Variants in ATP7A observed in about 807,000 individuals in gnomAD.
ATP7A encodes ATPase copper transporting alpha, also known as copper-transporting ATPase 1.
A neutral mutation model predicts 83.5 loss-of-function variants in ATP7A; 7 were observed. That is an observed-to-expected ratio of 0.08 (90% CI 0.05 to 0.16). ATP7A has a LOEUF of 0.16. Ranked by LOEUF, ATP7A falls within the 10% of genes least tolerant of loss-of-function variation. The pLI is 1.00. For missense variants in ATP7A, 940 were observed against 1,120.8 expected (o/e 0.84, Z 2.30); for synonymous variants, 354 against 395.2 (o/e 0.90, Z 1.24).
intron 1 of ATP7A, among the ~76,000 whole-genome samples, chrX:77,951,611 G>T (rs528466109): frequency 1.6e-4 from 16 of 102,883 alleles, no homozygotes; most frequent in African/African-American, 5.8e-4. Flanking sequence ...ATGGAGTCTC[G>T]CTCTGTCACC....
intron 1 of ATP7A, among the ~76,000 whole-genome samples, chrX:77,948,105 A>ATTCATTCATTCATTCATTCG (rs1333774028): frequency 3.0e-4 from 20 of 66,508 alleles, no homozygotes; most frequent in African/African-American, 1.2e-3. Flanking sequence ...TTATTTATTC[A>ATTCATTCATTCATTCATTCG]TTCATTCATT....
At chrX:77,947,430 G>A (rs1333943681) in intron 1 of ATP7A, among the ~76,000 whole-genome samples, 2 of 92,980 alleles carry the variant, frequency 2.2e-5, no homozygotes, top group Non-Finnish European at 4.0e-5. Flanking sequence ...ATGTTATTGT[G>A]TATTTTACCA....
intron 1 of ATP7A, among the ~76,000 whole-genome samples, chrX:77,931,169 AGTGTTTGTGTCCCTGG>A (rs1428529011): frequency 9.2e-6 from 1 of 108,859 alleles, no homozygotes; most frequent in Non-Finnish European, 1.9e-5. Flanking sequence ...GGCCTTCCTC[AGTGTTTGTGTCCCTGG>A]GTACTTGAGA....
chrX:78,035,140 A>G (rs1289280807), intron 17 of ATP7A, among the ~76,000 whole-genome samples: 1 of 111,329 alleles, frequency 9.0e-6, no homozygotes, highest in Non-Finnish European at 1.9e-5. Flanking sequence ...TCATTTTATA[A>G]TACATACTCT....
At chrX:77,957,645 C>G (rs782651863) in intron 1 of ATP7A, among the ~76,000 whole-genome samples, 1 of 110,097 alleles carries the variant, frequency 9.1e-6, no homozygotes, top group Non-Finnish European at 1.9e-5. Flanking sequence ...TTTATGTAAT[C>G]TCATTTGTCT....
In ATP7A at chrX:78,020,408, C is replaced by G; in HGVS notation, c.2781+10C>G. ...GGCACAAACATCAAAGGTAACTTAA[C>G]TCCCTAGGAGAAACACAAACTATTT... On this transcript the variant is annotated intron_variant, in intron 13 of 22. Coordinates refer to ENST00000341514, the MANE Select transcript of ATP7A (RefSeq NM_000052.7). 8.3e-7 allele frequency: 1 copy of G among 1,207,260 alleles called. No homozygotes were observed. The highest frequency in any genetic ancestry group is 1.1e-6 in the Non-Finnish European group (1 of 891,151).
chrX:77,988,129 A>T, intron 2 of ATP7A, 113 bp from the exon 3 acceptor site: 1 of 833,944 alleles, frequency 1.2e-6, no homozygotes, highest in Non-Finnish European at 1.7e-6. Context: ...TAATAGGGAA[A>T]CTCCATTAGA....
At chrX:78,046,045 G>T (rs2078081165) in intron 22 of ATP7A, among the ~76,000 whole-genome samples, 1 of 112,159 alleles carries the variant, frequency 8.9e-6, no homozygotes, top group African/African-American at 3.2e-5. Context: ...GTTACTTCGT[G>T]TACTTTATGC....
intron 1 of ATP7A, among the ~76,000 whole-genome samples, chrX:77,939,809 A>G (rs1266202673): frequency 9.1e-6 from 1 of 109,890 alleles, no homozygotes; most frequent in African/African-American, 3.3e-5. Context: ...TCTAGACAAT[A>G]TAATGAAAAA....
chrX:78,017,491 A>G lies in ATP7A; in HGVS notation c.2626+1610A>G, dbSNP rs782091272. Reference sequence around the variant, plus strand: ...CTGCAGCCCGCTTGAATTTCTCCCCAGAAAATGGGTTTTTCTTTTCTATTG... The same window carrying G: ...CTGCAGCCCGCTTGAATTTCTCCCCGGAAAATGGGTTTTTCTTTTCTATTG... On this transcript the variant is annotated intron_variant, in intron 12 of 22. Coordinates refer to ENST00000341514, the MANE Select transcript of ATP7A (RefSeq NM_000052.7). Among the ~76,000 whole-genome samples, 5 of 112,315 alleles carry G rather than the reference A, an allele frequency of 4.5e-5. No individual in the cohort carries two copies. The Admixed American group carries it at 4.7e-4, about 11-fold the overall frequency.
Position 78,030,154 on chromosome X carries a change from A to G in ATP7A, c.3111+710A>G, listed in dbSNP as rs183620458. 5.5e-3 allele frequency among the ~76,000 whole-genome samples: 620 copies of G among 112,464 alleles called. 2 individuals carry two copies. The highest frequency in any genetic ancestry group is 0.019 in the African/African-American group (584 of 31,039). ...AAAAGTCGCAAGACTAGCCTGGCACAGTGGCTCACGCCTGTAATCCCAGCA... is the reference window on the plus strand; with the variant it reads ...AAAAGTCGCAAGACTAGCCTGGCACGGTGGCTCACGCCTGTAATCCCAGCA... On this transcript the variant is annotated intron_variant, in intron 15 of 22. Coordinates refer to ENST00000341514, the MANE Select transcript of ATP7A (RefSeq NM_000052.7).
At chrX:77,966,745 A>G in intron 1 of ATP7A, 1 of 328,324 alleles carries the variant, frequency 3.0e-6, no homozygotes, top group Non-Finnish European at 5.9e-6. Context: ...ATGTACTAAA[A>G]AGTACTGAAC....
chrX:77,985,862 C>G (rs1164700522), intron 2 of ATP7A, among the ~76,000 whole-genome samples: 1 of 111,160 alleles, frequency 9.0e-6, no homozygotes, highest in Non-Finnish European at 1.9e-5. Flanking sequence ...CTGTTCTGTT[C>G]TCCATCTTCC....
intron 2 of ATP7A, among the ~76,000 whole-genome samples, chrX:77,972,374 T>C (rs1315509808): frequency 9.1e-6 from 1 of 110,089 alleles, no homozygotes; most frequent in Non-Finnish European, 1.9e-5. Context: ...TTTTTTAAGA[T>C]GGAGTTTTGC....
intron 1 of ATP7A, among the ~76,000 whole-genome samples, chrX:77,921,613 A>G (rs1269520970): frequency 1.8e-5 from 2 of 112,322 alleles, no homozygotes; most frequent in Non-Finnish European, 3.8e-5. Flanking sequence ...ACTTAGAAGT[A>G]TTAGCTAGGC....
chrX:77,996,011 C>T (rs949570827), intron 4 of ATP7A, among the ~76,000 whole-genome samples: 2 of 112,024 alleles, frequency 1.8e-5, no homozygotes, highest in African/African-American at 3.2e-5. Context: ...TCCCCAAGTG[C>T]TGGGATTACA....
At chrX:77,969,376 T>C (rs781905991) in intron 1 of ATP7A, 91 of 1,208,311 alleles carry the variant, frequency 7.5e-5, no homozygotes, top group Non-Finnish European at 9.4e-5. Context: ...GTGCCGCTCA[T>C]TGAGGCGCCA....
intron 1 of ATP7A, among the ~76,000 whole-genome samples, chrX:77,931,818 G>A (rs1395038847): frequency 6.1e-5 from 6 of 99,038 alleles, no homozygotes; most frequent in African/African-American, 2.3e-4. Flanking sequence ...CCGGGCGGGG[G>A]GCTGACCCCC....
intron 22 of ATP7A, 133 bp downstream of exon 22, chrX:78,045,705 G>A (rs782805358): frequency 5.6e-5 from 37 of 656,188 alleles, no homozygotes; most frequent in Non-Finnish European, 7.2e-5. Context: ...ATTAGCGGCC[G>A]GGCGTGGTGG....
Sources: allele counts gnomAD v4.1 joint callset (sites outside exome capture counted in the v4.1 genomes callset), GRCh38; gene constraint gnomAD v4.1.1; transcripts MANE v1.5; gene names NCBI Gene and HGNC (gene_info 2026-07-23, HGNC 2026-07-21).